The following IL7 variants were observed in gnomAD, a reference collection of about 807,000 sequenced individuals.
The protein encoded by IL7 is interleukin 7, also known as interleukin-7.
Under a neutral mutation model 21.6 loss-of-function variants are expected in IL7, and 3 were observed. That is an observed-to-expected ratio of 0.14 (90% confidence interval 0.06 to 0.36). The LOEUF is 0.36. Ranked by LOEUF, IL7 falls within the 10% of genes least tolerant of loss-of-function variation. IL7 has a pLI of 1.00. For missense variants in IL7, 175 were observed against 200.2 expected (o/e 0.87, Z 0.76); for synonymous variants, 62 against 68.1 (o/e 0.91, Z 0.44).
intron 3 of IL7, among the ~76,000 whole-genome samples, chr8:78,707,015 T>A (rs999839255): frequency 3.9e-5 from 6 of 152,214 alleles, no homozygotes; most frequent in Admixed American, 1.3e-4. Context: ...AGTAAAAAAA[T>A]TTTATCTTTT....
At chr8:78,693,239 A>G (rs1455878640) in intron 3 of IL7, among the ~76,000 whole-genome samples, 3 of 152,214 alleles carry the variant, frequency 2.0e-5, no homozygotes, top group South Asian at 4.2e-4. Context: ...TCCTTTGGGT[A>G]TATACCCAGT....
intron 3 of IL7, among the ~76,000 whole-genome samples, chr8:78,712,638 G>A (rs1056767670): frequency 6.6e-6 from 1 of 152,148 alleles, no homozygotes; most frequent in African/African-American, 2.4e-5. Flanking sequence ...CTGCCAAAGA[G>A]TCAAGCTCGA....
chr8:78,704,066 T>C (rs1384417306), intron 3 of IL7, among the ~76,000 whole-genome samples: 1 of 152,106 alleles, frequency 6.6e-6, no homozygotes, highest in Non-Finnish European at 1.5e-5. Flanking sequence ...TGATATGAAA[T>C]TTTGAGTTGG....
intron 3 of IL7, among the ~76,000 whole-genome samples, chr8:78,739,547 T>C (rs2919933): frequency 0.035 from 5,363 of 151,818 alleles, 135 homozygotes; most frequent in African/African-American, 0.074. Flanking sequence ...CAAAAATTAG[T>C]TGGGTGTGGT....
intron 4 of IL7, among the ~76,000 whole-genome samples, chr8:78,682,892 G>A (rs1809834093): frequency 6.6e-6 from 1 of 152,116 alleles, no homozygotes; most frequent in African/African-American, 2.4e-5. Flanking sequence ...TTCTAAATTG[G>A]AGAAATGGGC....
intron 3 of IL7, among the ~76,000 whole-genome samples, chr8:78,703,295 A>T (rs879607849): frequency 4.3e-4 from 66 of 152,080 alleles, no homozygotes; most frequent in African/African-American, 1.4e-3. Context: ...GGTCCATTTG[A>T]TCCAGTGCTG....
At chr8:78,696,841 A>C (rs1255234646) in intron 3 of IL7, among the ~76,000 whole-genome samples, 1 of 152,206 alleles carries the variant, frequency 6.6e-6, no homozygotes, top group Non-Finnish European at 1.5e-5. Context: ...GAATATAAAA[A>C]CACATCCAGG....
At chr8:78,720,549 ATTC>A (rs1811218930) in intron 5 of IL7, among the ~76,000 whole-genome samples, 5 of 151,852 alleles carry the variant, frequency 3.3e-5, no homozygotes, top group South Asian at 2.1e-4. Flanking sequence ...ATTACGGCCT[ATTC>A]TTTTTAAGGG....
chr8:78,750,484 C>T (rs1812129773), intron 2 of IL7, among the ~76,000 whole-genome samples: 1 of 151,948 alleles, frequency 6.6e-6, no homozygotes, highest in South Asian at 2.1e-4. Context: ...CTAGACTTAC[C>T]TATGGCCATG....
chr8:78,710,154 G>A (rs1283744525), intron 3 of IL7, among the ~76,000 whole-genome samples: 1 of 152,138 alleles, frequency 6.6e-6, no homozygotes, highest in African/African-American at 2.4e-5. Context: ...ATAAAATCTT[G>A]ATTGTTATTG....
Position 78,799,885 on chromosome 8 carries a change from C to T in IL7, c.11-1677G>A, listed in dbSNP as rs142575333. On this transcript the variant is annotated intron_variant, in intron 1 of 5. Coordinates refer to ENST00000263851, the MANE Select transcript of IL7 (RefSeq NM_000880.4). ...CCTAAAGATCCTCAGTGATCAATTG[C>T]TAATTTAAAAAAAATATTTTGGCAA... is the stretch of plus-strand genomic sequence containing the variant. Among the ~76,000 whole-genome samples, 1,140 of 152,028 alleles carry T rather than the reference C, an allele frequency of 7.5e-3. 8 individuals carry two copies. The highest frequency in any genetic ancestry group is 0.014 in the Non-Finnish European group (948 of 67,984).
intron 5 of IL7, 140 bp downstream of exon 5, chr8:78,736,334 C>T: frequency 2.0e-6 from 1 of 490,294 alleles, no homozygotes; most frequent in Non-Finnish European, 3.5e-6. Context: ...TGAGGGGCAC[C>T]TCGCTTCTCC....
At chr8:78,694,798 A>C (rs1810346256) in intron 3 of IL7, among the ~76,000 whole-genome samples, 1 of 152,230 alleles carries the variant, frequency 6.6e-6, no homozygotes, top group Non-Finnish European at 1.5e-5. Context: ...ATTTGTGAGC[A>C]GCATAAAAAC....
At chr8:78,735,276 C>CTTTTTTTTTTTTTTTT in intron 5 of IL7, among the ~76,000 whole-genome samples, 303 of 77,792 alleles carry the variant, frequency 3.9e-3, no homozygotes, top group East Asian at 6.7e-3. Context: ...CTTTTCTTTT[C>CTTTTTTTTTTTTTTTT]TTTTTTTTTT....
intron 3 of IL7, among the ~76,000 whole-genome samples, chr8:78,710,558 A>C (rs1224769367): frequency 6.6e-6 from 1 of 152,038 alleles, no homozygotes; most frequent in Non-Finnish European, 1.5e-5. Flanking sequence ...TATAGTCAAA[A>C]ATTTTCTAAA....
At chr8:78,695,746 A>G (rs934575790) in intron 3 of IL7, among the ~76,000 whole-genome samples, 10 of 152,200 alleles carry the variant, frequency 6.6e-5, no homozygotes, top group Admixed American at 6.5e-4. Context: ...TTCATCTCCC[A>G]AAGTCTCATA....
chr8:78,687,003 A>T (rs1014126552), intron 3 of IL7, among the ~76,000 whole-genome samples: 11 of 151,894 alleles, frequency 7.2e-5, no homozygotes, highest in East Asian at 3.8e-4. Context: ...AGATTGATAT[A>T]AAAAAAATCA....
chr8:78,773,725 T>C (rs1262646825), intron 2 of IL7, among the ~76,000 whole-genome samples: 1 of 152,100 alleles, frequency 6.6e-6, no homozygotes, highest in Admixed American at 6.6e-5. Flanking sequence ...TGAGCCTTGG[T>C]TTGTGGCGAT....
At chr8:78,713,685 G>C (rs1376760102), downstream of IL7, among the ~76,000 whole-genome samples, 1 of 152,124 alleles carries the variant, frequency 6.6e-6, no homozygotes, top group South Asian at 2.1e-4. Context: ...TTGAAGTTTA[G>C]AAGTAATTTA....
Sources: allele counts gnomAD v4.1 joint callset (sites outside exome capture counted in the v4.1 genomes callset), GRCh38; gene constraint gnomAD v4.1.1; transcripts MANE v1.5; gene names NCBI Gene and HGNC (gene_info 2026-07-23, HGNC 2026-07-21).